DEPTOR: variants seen among roughly 807,000 people sequenced by gnomAD.
The protein encoded by DEPTOR is DEP domain-containing mTOR-interacting protein.
A neutral mutation model predicts 41.6 loss-of-function variants in DEPTOR; 41 were observed. That is an observed-to-expected ratio of 0.98 (90% CI 0.77 to 1.28). The LOEUF (loss-of-function observed/expected upper bound fraction) is 1.28, where lower values mean the gene tolerates loss of function less well. Among genes scored for constraint, DEPTOR ranks in the 50% most tolerant of loss-of-function variants. DEPTOR has a pLI of 0.00. For synonymous variants in DEPTOR, 195 were observed against 192.3 expected (o/e 1.01, Z -0.12); for missense variants, 514 against 527.9 (o/e 0.97, Z 0.26).
intron 4 of DEPTOR, among the ~76,000 whole-genome samples, chr8:119,974,235 TAAAAAAAAAAA>T (rs35885551): frequency 0.019 from 1,432 of 74,968 alleles, 35 homozygotes; most frequent in African/African-American, 0.064. Context: ...CTTGTCTCTT[TAAAAAAAAAAA>T]AAAAAAAAAA....
At chr8:119,900,323 C>CAA (rs572919486) in intron 1 of DEPTOR, among the ~76,000 whole-genome samples, 3 of 54,146 alleles carry the variant, frequency 5.5e-5, no homozygotes, top group African/African-American at 1.7e-4. Flanking sequence ...GGCTCCATCT[C>CAA]AAAAAAAAAA....
intron 1 of DEPTOR, among the ~76,000 whole-genome samples, chr8:119,881,342 T>A (rs1373570711): frequency 6.6e-6 from 1 of 151,894 alleles, no homozygotes; most frequent in Non-Finnish European, 1.5e-5. Flanking sequence ...GCCAACATAG[T>A]GAAATCCCGT....
chr8:119,978,080 A>T (rs1337140632), intron 4 of DEPTOR, among the ~76,000 whole-genome samples: 7 of 152,122 alleles, frequency 4.6e-5, no homozygotes, highest in Admixed American at 4.6e-4. Context: ...CTTGCTTCTG[A>T]AGCCTGTGTT....
intron 1 of DEPTOR, among the ~76,000 whole-genome samples, chr8:119,889,019 CT>C (rs1827411916): frequency 1.3e-5 from 2 of 151,968 alleles, no homozygotes; most frequent in Non-Finnish European, 2.9e-5. Context: ...AATCTCATGT[CT>C]CATACATTAT....
intron 1 of DEPTOR, among the ~76,000 whole-genome samples, chr8:119,902,111 T>C (rs1827601334): frequency 6.6e-6 from 1 of 152,156 alleles, no homozygotes; most frequent in Non-Finnish European, 1.5e-5. Context: ...GAGAGGAACC[T>C]GAGTGATTAT....
At chr8:119,894,684 A>G (rs1827493797) in intron 1 of DEPTOR, among the ~76,000 whole-genome samples, 1 of 151,968 alleles carries the variant, frequency 6.6e-6, no homozygotes, top group South Asian at 2.1e-4. Context: ...GCGTGAGCCA[A>G]CGCGCCTGGC....
At chr8:119,895,125 C>G (rs1334853855) in intron 1 of DEPTOR, among the ~76,000 whole-genome samples, 1 of 152,172 alleles carries the variant, frequency 6.6e-6, no homozygotes. Context: ...CCTGTCTCCC[C>G]CTCTCCTTCA....
intron 1 of DEPTOR, among the ~76,000 whole-genome samples, chr8:119,921,256 T>G (rs1827889969): frequency 6.6e-6 from 1 of 152,136 alleles, no homozygotes; most frequent in Admixed American, 6.6e-5. Flanking sequence ...GGATTACAGG[T>G]GTGAGCCACC....
Position 119,967,750 on chromosome 8 carries a change from T to TC in DEPTOR, c.604+2343dup, listed in dbSNP as rs1422636070. Among the ~76,000 whole-genome samples, 843 of 117,844 alleles carry TC rather than the reference T, an allele frequency of 7.2e-3. 11 individuals carry two copies. The highest frequency in any genetic ancestry group is 0.025 in the African/African-American group (737 of 28,912). The allele number at this position is 117,844 out of a possible 152,430, so 77.3% of individuals were successfully genotyped here. On this transcript the variant is annotated intron_variant, in intron 4 of 8. Coordinates refer to ENST00000286234, the MANE Select transcript of DEPTOR (RefSeq NM_022783.4). ...ACCTGGGTGGCAGAGCAAGACTTCG[T>TC]CCCAAAAAAAAAAAAAAAAAAGAGT...
chr8:119,880,213 T>G (rs1212649132), intron 1 of DEPTOR, among the ~76,000 whole-genome samples: 1 of 151,586 alleles, frequency 6.6e-6, no homozygotes, highest in Admixed American at 6.6e-5. Flanking sequence ...ATCACTATTC[T>G]CTTTCTAGCA....
At chr8:119,889,998 T>G (rs1177569520) in intron 1 of DEPTOR, among the ~76,000 whole-genome samples, 1 of 152,212 alleles carries the variant, frequency 6.6e-6, no homozygotes, top group South Asian at 2.1e-4. Context: ...GGAGTCTCAC[T>G]CTGTTGCCCA....
chr8:119,993,001 A>C (rs903921351), intron 4 of DEPTOR, among the ~76,000 whole-genome samples: 9 of 152,114 alleles, frequency 5.9e-5, no homozygotes, highest in Non-Finnish European at 1.3e-4. Flanking sequence ...TCAAGATGAT[A>C]CATTTTTATA....
At chr8:119,961,389 C>G (rs907208272) in intron 3 of DEPTOR, among the ~76,000 whole-genome samples, 1 of 141,848 alleles carries the variant, frequency 7.0e-6, no homozygotes, top group Non-Finnish European at 1.5e-5. Flanking sequence ...GCACTCCAGC[C>G]TGGGCAACAA....
intron 1 of DEPTOR, among the ~76,000 whole-genome samples, chr8:119,883,291 G>C (rs1331663068): frequency 6.6e-6 from 1 of 151,672 alleles, no homozygotes; most frequent in African/African-American, 2.4e-5. Flanking sequence ...TGGCTAACAC[G>C]GTGAAACCCC....
chr8:119,929,224 T>C (rs1828007561), intron 2 of DEPTOR, among the ~76,000 whole-genome samples: 1 of 152,216 alleles, frequency 6.6e-6, no homozygotes, highest in African/African-American at 2.4e-5. Context: ...CCTCGACCTT[T>C]GCACATGCCA....
chr8:119,960,252 A>G (rs1828473514), intron 3 of DEPTOR, among the ~76,000 whole-genome samples: 1 of 151,476 alleles, frequency 6.6e-6, no homozygotes, highest in African/African-American at 2.4e-5. Context: ...CAAAAAACAA[A>G]AAAACAGTAT....
intron 1 of DEPTOR, among the ~76,000 whole-genome samples, chr8:119,887,698 C>T (rs528214099): frequency 6.6e-6 from 1 of 151,400 alleles, no homozygotes; most frequent in South Asian, 2.1e-4. Context: ...TGGGGTTTCA[C>T]CATGTTGGCC....
intron 8 of DEPTOR, among the ~76,000 whole-genome samples, chr8:120,044,024 T>C (rs1813118510): frequency 6.8e-6 from 1 of 147,808 alleles, no homozygotes; most frequent in Admixed American, 6.8e-5. Context: ...AAAAAGAGAT[T>C]GCATTGGGGA....
chr8:119,969,363 T>G (rs1032977644), intron 4 of DEPTOR, among the ~76,000 whole-genome samples: 6 of 151,838 alleles, frequency 4.0e-5, no homozygotes, highest in Middle Eastern at 3.2e-3. Flanking sequence ...TTTTTTTGTT[T>G]TTTTTTTTGA....
Sources: allele counts gnomAD v4.1 joint callset (sites outside exome capture counted in the v4.1 genomes callset), GRCh38; gene constraint gnomAD v4.1.1; transcripts MANE v1.5; gene names NCBI Gene and HGNC (gene_info 2026-07-23, HGNC 2026-07-21).